Variants in GBE1 observed in about 807,000 individuals in gnomAD.
GBE1 encodes 1,4-alpha-glucan-branching enzyme.
GBE1 carries 70 observed loss-of-function variants against 88.8 expected under a neutral mutation model. The observed-to-expected ratio is 0.79, with a 90% CI of 0.65 to 0.96. The LOEUF (loss-of-function observed/expected upper bound fraction) is 0.96, where lower values mean the gene tolerates loss of function less well. Ranked by LOEUF, GBE1 falls within the 40% of genes least tolerant of loss-of-function variation. The pLI is 0.00. For synonymous variants in GBE1, 284 were observed against 300.1 expected (o/e 0.95, Z 0.56); for missense variants, 872 against 871.0 (o/e 1.00, Z -0.01).
chr3:81,735,618 G>A (rs536315836), intron 1 of GBE1, among the ~76,000 whole-genome samples: 4 of 152,246 alleles, frequency 2.6e-5, no homozygotes, highest in South Asian at 2.1e-4. Flanking sequence ...GTGGCACTGC[G>A]GTCCCCCCAG....
At chr3:81,698,000 A>G (rs896606740) in intron 2 of GBE1, among the ~76,000 whole-genome samples, 11 of 148,066 alleles carry the variant, frequency 7.4e-5, no homozygotes, top group Admixed American at 1.4e-4. Flanking sequence ...ATTAGGTATA[A>G]TATATTAGGT....
At chr3:81,596,013 T>C (rs1420711376) in intron 7 of GBE1, among the ~76,000 whole-genome samples, 2 of 151,954 alleles carry the variant, frequency 1.3e-5, no homozygotes, top group Non-Finnish European at 2.9e-5. Flanking sequence ...ATAAAGTCTT[T>C]TAAAAACTAC....
At chr3:81,513,349 T>A (rs1451643262) in intron 14 of GBE1, among the ~76,000 whole-genome samples, 2 of 149,940 alleles carry the variant, frequency 1.3e-5, no homozygotes, top group Non-Finnish European at 3.0e-5. Context: ...AACAGAAGAG[T>A]TTCAATTCCA....
chr3:81,755,852 T>C (rs1706594234), intron 1 of GBE1, among the ~76,000 whole-genome samples: 1 of 151,998 alleles, frequency 6.6e-6, no homozygotes, highest in African/African-American at 2.4e-5. Flanking sequence ...AGGAGGAAAA[T>C]ATATATAAAT....
At chr3:81,726,199 C>A (rs1218668080) in intron 1 of GBE1, among the ~76,000 whole-genome samples, 1 of 148,914 alleles carries the variant, frequency 6.7e-6, no homozygotes, top group Non-Finnish European at 1.5e-5. Context: ...CAATACATCC[C>A]CCTTCAATCC....
intron 1 of GBE1, among the ~76,000 whole-genome samples, chr3:81,706,453 G>A (rs1444980891): frequency 6.6e-6 from 1 of 152,106 alleles, no homozygotes; most frequent in African/African-American, 2.4e-5. Context: ...AAACAAACTA[G>A]GAAAAACTTG....
chr3:81,755,290 T>C (rs1259070952), intron 1 of GBE1, among the ~76,000 whole-genome samples: 1 of 152,042 alleles, frequency 6.6e-6, no homozygotes, highest in Admixed American at 6.6e-5. Flanking sequence ...ACAGTTAAAA[T>C]AGCTTGTATC....
intron 14 of GBE1, among the ~76,000 whole-genome samples, chr3:81,533,121 A>G (rs796405809): frequency 4.6e-5 from 7 of 152,218 alleles, no homozygotes; most frequent in African/African-American, 1.7e-4. Context: ...AGATTGAAGT[A>G]GATACTAGTA....
At chr3:81,537,510 T>C (rs1391520884) in intron 12 of GBE1, among the ~76,000 whole-genome samples, 1 of 152,044 alleles carries the variant, frequency 6.6e-6, no homozygotes, top group Admixed American at 6.6e-5. Flanking sequence ...GTAGGTTATT[T>C]TTTGATCCTC....
chr3:81,497,799 T>C (rs542685237), intron 15 of GBE1, among the ~76,000 whole-genome samples: 30 of 152,320 alleles, frequency 2.0e-4, no homozygotes, highest in African/African-American at 6.3e-4. Flanking sequence ...GAATCATCTT[T>C]CCTAACCCCT....
intron 5 of GBE1, among the ~76,000 whole-genome samples, chr3:81,648,468 T>A (rs2107071278): frequency 6.6e-6 from 1 of 152,168 alleles, no homozygotes; most frequent in East Asian, 1.9e-4. Context: ...CAAAATGAGT[T>A]CCGGTCACAT....
intron 3 of GBE1, among the ~76,000 whole-genome samples, chr3:81,664,591 A>G (rs1057277373): frequency 7.9e-5 from 12 of 152,314 alleles, no homozygotes; most frequent in African/African-American, 2.9e-4. Flanking sequence ...TTATTTTTAT[A>G]TAATAACTCA....
At chr3:81,586,282 G>T in intron 9 of GBE1, 92 bp from the exon 10 acceptor site, 1 of 761,130 alleles carries the variant, frequency 1.3e-6, no homozygotes, top group African/African-American at 1.9e-5. Context: ...CAATAATAGG[G>T]GAATATATTT....
intron 14 of GBE1, among the ~76,000 whole-genome samples, chr3:81,518,593 G>C (rs530006255): frequency 6.6e-6 from 1 of 151,368 alleles, no homozygotes; most frequent in South Asian, 2.1e-4. Context: ...GAGGGTACTG[G>C]TCTGTCATTA....
At position 81,490,425 on chromosome 3, in the gene GBE1, A is replaced by T. The variant is rs767422011; in HGVS notation, c.2091T>A (p.Asn697Lys). Residue 697 changes from asparagine (N) to lysine (K), a missense_variant, in exon 16 of 16, where the codon AAT becomes AAA. Asn to Lys is a moderately conservative substitution (Grantham distance 94). Transcript: ENST00000429644. ...IPSRVALILQ[N>K]VDLPN ...GGCCTCTTCAATTCGGCAGATCCAC[A>T]TTCTGAAGGATGAGGGCCACTCTGC... 2.5e-6 allele frequency: 4 copies of T among 1,613,306 alleles called. No homozygotes were observed. The highest frequency in any genetic ancestry group is 2.5e-6 in the Non-Finnish European group (3 of 1,179,464).
chr3:81,673,693 A>C (rs1210209435), intron 2 of GBE1, among the ~76,000 whole-genome samples: 1 of 151,916 alleles, frequency 6.6e-6, no homozygotes, highest in Non-Finnish European at 1.5e-5. Context: ...AAAATACTTT[A>C]ACTATGTCGC....
In GBE1 at chr3:81,761,429, C is replaced by G; in HGVS notation, c.89G>C (p.Arg30Thr). 6.2e-7 allele frequency: 1 copy of G among 1,613,708 alleles called. No individual in the cohort carries two copies. The highest frequency in any genetic ancestry group is 8.5e-7 in the Non-Finnish European group (1 of 1,179,708). The change falls in exon 1 of 16, where the codon AGA (arginine) becomes ACA (threonine). Residue 30 changes from arginine (R) to threonine (T), a missense_variant. Physicochemically the swap from Arg to Thr is moderately conservative, Grantham distance 71. Coordinates refer to ENST00000429644, the MANE Select transcript of GBE1 (RefSeq NM_000158.4). ...AALADVPELA[R>T]LLEIDPYLKP... is the part of the protein sequence containing the mutation. ...CAAGTACGGGTCGATCTCCAGGAGT[C>G]TGGCCAGTTCGGGCACGTCAGCCAG...
At position 81,537,033 on chromosome 3, in the gene GBE1, G is replaced by A; in HGVS notation, c.1681C>T (p.His561Tyr). The change falls in exon 13 of 16, where the codon CAT becomes TAT. Residue 561 changes from histidine (H) to tyrosine (Y), a missense_variant. Transcript: ENST00000429644. ...FPRKGNNESY[H>Y]YARRQFHLTD... ...AAATGAAACTGCCGCCTGGCATAAT[G>A]GTAACTCTCATTATTTCCTTTTCTT... The A allele has an allele frequency of 6.3e-7, 1 of 1,582,514 alleles. No homozygotes were observed. Among genetic ancestry groups the A allele is most frequent in the African/African-American group, 1.4e-5 (1 of 72,984 alleles).
chr3:81,669,899 AT>A (rs1266159189), intron 3 of GBE1, among the ~76,000 whole-genome samples: 1 of 152,124 alleles, frequency 6.6e-6, no homozygotes, highest in Non-Finnish European at 1.5e-5. Context: ...TTTATAAAAT[AT>A]TTTTAACAAC....
Sources: allele counts gnomAD v4.1 joint callset (sites outside exome capture counted in the v4.1 genomes callset), GRCh38; gene constraint gnomAD v4.1.1; transcripts MANE v1.5; gene names NCBI Gene and HGNC (gene_info 2026-07-23, HGNC 2026-07-21).